The following RNF169 variants were observed in gnomAD, a reference collection of about 807,000 sequenced individuals.
The protein encoded by RNF169 is E3 ubiquitin-protein ligase RNF169.
A neutral mutation model predicts 53.9 loss-of-function variants in RNF169; 24 were observed. The ratio of observed to expected loss-of-function variants is 0.45; its 90% CI spans 0.32 to 0.63. The LOEUF is 0.63. Ranked by LOEUF, RNF169 falls within the 20% of genes least tolerant of loss-of-function variation. The pLI, the probability that RNF169 is intolerant of heterozygous loss-of-function variation, is 0.04. For synonymous variants in RNF169, 396 were observed against 363.5 expected (o/e 1.09, Z -1.02); for missense variants, 883 against 906.2 (o/e 0.97, Z 0.33).
chr11:74,837,866 C>A lies in RNF169; in HGVS notation c.*1136C>A, dbSNP rs1411904903. 1 of 152,204 alleles carries A rather than the reference C, an allele frequency of 6.6e-6. No individual in the cohort carries two copies. The highest frequency in any genetic ancestry group is 1.5e-5 in the Non-Finnish European group (1 of 68,040). 9.4% of individuals were successfully genotyped at this position (152,204 alleles called of 1,614,324 possible). On this transcript the variant is annotated 3_prime_UTR_variant, in exon 6 of 6. Transcript: ENST00000299563. Reference sequence around the variant, plus strand: ...AGCAGCTGACACCATGTGTCTTTTGCATCCCTGGTGGTGCTTGGTGCTTCT... The same window carrying A: ...AGCAGCTGACACCATGTGTCTTTTGAATCCCTGGTGGTGCTTGGTGCTTCT...
chr11:74,782,581 T>G (rs1340840570), intron 1 of RNF169, among the ~76,000 whole-genome samples: 4 of 152,146 alleles, frequency 2.6e-5, no homozygotes, highest in Non-Finnish European at 5.9e-5. Flanking sequence ...AGAAAACTGG[T>G]CCCTTGTGCC....
At chr11:74,771,026 C>T (rs1386009729) in intron 1 of RNF169, among the ~76,000 whole-genome samples, 5 of 151,924 alleles carry the variant, frequency 3.3e-5, no homozygotes, top group Non-Finnish European at 7.4e-5. Context: ...AGGCTGGTCC[C>T]GAACTCTTGA....
intron 1 of RNF169, among the ~76,000 whole-genome samples, chr11:74,762,491 G>A (rs2035102612): frequency 1.3e-5 from 2 of 152,166 alleles, no homozygotes; most frequent in South Asian, 4.1e-4. Flanking sequence ...CGGTGTGGAT[G>A]TCCTTTCTGT....
chr11:74,808,418 C>T (rs1316875226), intron 2 of RNF169, among the ~76,000 whole-genome samples: 1 of 152,138 alleles, frequency 6.6e-6, no homozygotes, highest in Non-Finnish European at 1.5e-5. Flanking sequence ...TAGTAGCACA[C>T]AGACTCCACT....
chr11:74,778,355 T>C (rs935069042), intron 1 of RNF169, among the ~76,000 whole-genome samples: 5 of 152,254 alleles, frequency 3.3e-5, no homozygotes, highest in African/African-American at 4.8e-5. Flanking sequence ...TAACTTGATA[T>C]GTTATCACGA....
chr11:74,830,511 T>C (rs1164491674), intron 4 of RNF169: 1 of 150,830 alleles, frequency 6.6e-6, no homozygotes, highest in Non-Finnish European at 1.5e-5. Flanking sequence ...AAAATCTGAA[T>C]TGACCTATAT....
In RNF169 at chr11:74,841,502, T is replaced by G. The variant is rs1382653343; in HGVS notation, c.*4772T>G. The G allele has an allele frequency of 6.6e-6, 1 of 152,210 alleles. No homozygotes were observed. The highest frequency in any genetic ancestry group is 1.5e-5 in the Non-Finnish European group (1 of 68,032). The allele number at this position is 152,210 out of a possible 1,614,324, so 9.4% of individuals were successfully genotyped here. On this transcript the variant is annotated 3_prime_UTR_variant, in exon 6 of 6. Transcript: ENST00000299563. ...AAGTGCCAAGACTGGATGTGCAGAT[T>G]GTTCTATGTATTATCAGTATTTTTT...
intron 4 of RNF169, among the ~76,000 whole-genome samples, chr11:74,820,350 G>A (rs1185927066): frequency 6.6e-6 from 1 of 151,936 alleles, no homozygotes; most frequent in African/African-American, 2.4e-5. Context: ...GGGCAGGGGG[G>A]TTTACTCTAT....
Position 74,835,925 on chromosome 11 carries a change from G to T in RNF169, c.1322G>T (p.Arg441Leu), listed in dbSNP as rs1214253423. ...AAGTGGGAACAGATCTTTCAGGAGCGGCAGATCAAAAAGACCCTTTCAAAA... is the reference window on the plus strand; with the variant it reads ...AAGTGGGAACAGATCTTTCAGGAGCTGCAGATCAAAAAGACCCTTTCAAAA... ...LKKWEQIFQE[R>L]QIKKTLSKAT... Residue 441 changes from arginine to leucine, a missense_variant, in exon 6 of 6, where the codon CGG (arginine) becomes CTG (leucine). Physicochemically the swap from Arg to Leu is moderately radical, Grantham distance 102. Around this residue, in one of 3 missense-constraint regions of RNF169, gnomAD observed 351 missense variants for 337.3 expected, o/e 1.04. Transcript: ENST00000299563. 6.2e-7 allele frequency: 1 copy of T among 1,613,970 alleles called. No individual in the cohort carries two copies. The highest frequency in any genetic ancestry group is 8.5e-7 in the Non-Finnish European group (1 of 1,180,042).
intron 1 of RNF169, among the ~76,000 whole-genome samples, chr11:74,776,558 G>T (rs1209035610): frequency 1.4e-5 from 2 of 145,496 alleles, no homozygotes; most frequent in African/African-American, 5.1e-5. Flanking sequence ...TTGACACTGA[G>T]ACACATACCT....
intron 2 of RNF169, among the ~76,000 whole-genome samples, chr11:74,808,509 G>A (rs910839504): frequency 2.0e-5 from 3 of 152,198 alleles, no homozygotes; most frequent in Non-Finnish European, 4.4e-5. Flanking sequence ...AATAATTCTT[G>A]GTTGAGAACT....
intron 1 of RNF169, among the ~76,000 whole-genome samples, chr11:74,785,276 GATATATATATGTTATATATATTAGAGAT>G (rs1565176630): frequency 7.4e-6 from 1 of 135,568 alleles, no homozygotes; most frequent in Non-Finnish European, 1.5e-5. Context: ...ATATATATTA[GATATATATATGTTATATATATTAGAGAT>G]ATATATATAT....
intron 1 of RNF169, among the ~76,000 whole-genome samples, chr11:74,758,662 C>A (rs188389048): frequency 6.6e-6 from 1 of 152,028 alleles, no homozygotes; most frequent in Non-Finnish European, 1.5e-5. Flanking sequence ...CCACTACGCC[C>A]GGCTAATTTT....
chr11:74,810,104 C>G (rs1469975536), intron 2 of RNF169, 80 bp from the exon 3 acceptor site: 2 of 1,268,788 alleles, frequency 1.6e-6, no homozygotes, highest in African/African-American at 3.0e-5. Flanking sequence ...TCTGTTTGTT[C>G]TAATAAACTA....
chr11:74,781,699 T>G (rs779134088), intron 1 of RNF169, among the ~76,000 whole-genome samples: 20 of 152,264 alleles, frequency 1.3e-4, no homozygotes, highest in Non-Finnish European at 2.9e-4. Flanking sequence ...CCTATGCATG[T>G]CCTTTATCCA....
intron 1 of RNF169, among the ~76,000 whole-genome samples, chr11:74,779,873 G>A (rs554181378): frequency 6.6e-6 from 1 of 152,086 alleles, no homozygotes; most frequent in Non-Finnish European, 1.5e-5. Flanking sequence ...TTTTGGAGAT[G>A]GGGTTTCCCT....
intron 1 of RNF169, among the ~76,000 whole-genome samples, chr11:74,757,878 A>T (rs1457932262): frequency 1.6e-5 from 1 of 62,612 alleles, no homozygotes; most frequent in African/African-American, 1.2e-4. Context: ...GTTTGAGTTC[A>T]TTGTAGATTC....
At chr11:74,810,074 G>A in intron 2 of RNF169, 110 bp from the exon 3 acceptor site, 1 of 935,484 alleles carries the variant, frequency 1.1e-6, no homozygotes, top group Middle Eastern at 3.4e-4. Flanking sequence ...AAGAAAAACA[G>A]TCTCAAAACT....
chr11:74,751,809 A>G (rs1419453382), intron 1 of RNF169, among the ~76,000 whole-genome samples: 3 of 152,248 alleles, frequency 2.0e-5, no homozygotes, highest in Non-Finnish European at 4.4e-5. Flanking sequence ...CAAAAGGCTT[A>G]GGAAGTATCT....
Sources: gnomAD v4.1 joint callset for allele counts (sites outside exome capture counted in the v4.1 genomes callset) on GRCh38, gnomAD v4.1.1 for gene constraint, gnomAD v4.1.1 regional missense constraint, MANE v1.5 for transcripts, NCBI Gene and HGNC (gene_info 2026-07-23, HGNC 2026-07-21) for gene names.